Variants in XXYLT1 observed in about 807,000 individuals in gnomAD.
XXYLT1 encodes the protein xyloside xylosyltransferase 1, also known as UDP-xylose:alpha-xyloside alpha-1,3-xylosyltransferase.
XXYLT1 carries 20 observed loss-of-function variants against 28.9 expected under a neutral mutation model. The ratio of observed to expected loss-of-function variants is 0.69; its 90% CI spans 0.49 to 1.00. The LOEUF is 1.00. Among genes scored for constraint, XXYLT1 ranks in the 50% least tolerant of loss-of-function variants. The pLI is 0.00. For synonymous variants in XXYLT1, 257 were observed against 253.8 expected (o/e 1.01, Z -0.12); for missense variants, 542 against 560.1 (o/e 0.97, Z 0.33).
At chr3:195,250,418 G>A (rs1466678993) in intron 1 of XXYLT1, among the ~76,000 whole-genome samples, 1 of 152,148 alleles carries the variant, frequency 6.6e-6, no homozygotes, top group Non-Finnish European at 1.5e-5. Context: ...ACAAAAATTA[G>A]CTGGGCGTGG....
chr3:195,155,675 C>T (rs1404015967), intron 3 of XXYLT1, among the ~76,000 whole-genome samples: 2 of 150,712 alleles, frequency 1.3e-5, no homozygotes, highest in East Asian at 3.9e-4. Flanking sequence ...CCGCCTGCCA[C>T]GCCGGCTTTG....
intron 1 of XXYLT1, among the ~76,000 whole-genome samples, chr3:195,241,926 CAT>C (rs1560170266): frequency 6.6e-6 from 1 of 152,170 alleles, no homozygotes; most frequent in African/African-American, 2.4e-5. Flanking sequence ...TATCACCAGA[CAT>C]GTCATATTTT....
At chr3:195,162,432 C>T (rs751954528) in intron 2 of XXYLT1, among the ~76,000 whole-genome samples, 18 of 152,214 alleles carry the variant, frequency 1.2e-4, no homozygotes, top group Non-Finnish European at 2.6e-4. Flanking sequence ...AACCTGTTAG[C>T]AGCTCTGGTA....
At chr3:195,179,322 A>C (rs1222911967) in intron 2 of XXYLT1, among the ~76,000 whole-genome samples, 1 of 151,282 alleles carries the variant, frequency 6.6e-6, no homozygotes, top group Non-Finnish European at 1.5e-5. Context: ...CCTGGGCGAC[A>C]AGAGTGAGAC....
intron 1 of XXYLT1, among the ~76,000 whole-genome samples, chr3:195,244,761 CAAAAAAAAAA>C (rs869207427): frequency 1.1e-4 from 3 of 26,540 alleles, no homozygotes; most frequent in Admixed American, 7.1e-4. Context: ...GACTCTGTCT[CAAAAAAAAAA>C]AAAAAAAAAA....
At chr3:195,258,567 A>C (rs1285086340) in intron 1 of XXYLT1, among the ~76,000 whole-genome samples, 2 of 152,220 alleles carry the variant, frequency 1.3e-5, no homozygotes, top group Non-Finnish European at 2.9e-5. Flanking sequence ...ACAAGACTAC[A>C]AAGGCTTCAT....
chr3:195,267,321 A>C (rs1725876370), intron 1 of XXYLT1, among the ~76,000 whole-genome samples: 3 of 152,222 alleles, frequency 2.0e-5, no homozygotes, highest in African/African-American at 4.8e-5. Flanking sequence ...CCCTGGGAAT[A>C]AACTGCCCCC....
intron 1 of XXYLT1, among the ~76,000 whole-genome samples, chr3:195,245,582 G>T (rs550665748): frequency 6.6e-6 from 1 of 152,294 alleles, no homozygotes; most frequent in Admixed American, 6.5e-5. Flanking sequence ...GGAACTACGG[G>T]TGTTTGCCTC....
chr3:195,090,799 AAGAG>A (rs1404409322), intron 3 of XXYLT1, among the ~76,000 whole-genome samples: 4 of 150,744 alleles, frequency 2.7e-5, no homozygotes, highest in African/African-American at 7.4e-5. Context: ...TAAAGAAAAA[AAGAG>A]AGAAGAATCA....
intron 3 of XXYLT1, among the ~76,000 whole-genome samples, chr3:195,137,368 CCA>C (rs1719253482): frequency 1.3e-5 from 2 of 152,180 alleles, no homozygotes; most frequent in Admixed American, 1.3e-4. Flanking sequence ...TCCAATCTGG[CCA>C]CAGTTTCTGC....
At chr3:195,219,499 A>G (rs551502117) in intron 2 of XXYLT1, among the ~76,000 whole-genome samples, 63 of 152,352 alleles carry the variant, frequency 4.1e-4, no homozygotes, top group African/African-American at 1.5e-3. Context: ...GAAGGGAAGA[A>G]GGAATGAGGA....
intron 3 of XXYLT1, among the ~76,000 whole-genome samples, chr3:195,142,878 G>A (rs1039021424): frequency 1.3e-5 from 2 of 152,140 alleles, no homozygotes; most frequent in Non-Finnish European, 2.9e-5. Flanking sequence ...TCTTCCCTTT[G>A]GATTTCTCTC....
At chr3:195,214,230 A>G (rs992758576) in intron 2 of XXYLT1, among the ~76,000 whole-genome samples, 13 of 152,186 alleles carry the variant, frequency 8.5e-5, no homozygotes, top group African/African-American at 3.1e-4. Context: ...AGAAAATTCC[A>G]GAAAGAAGGA....
rs1725529034 is a variant in XXYLT1, at chr3:195,257,617, T to A, written c.504+12938A>T. Among the ~76,000 whole-genome samples, 1 of 152,146 alleles carries A rather than the reference T, an allele frequency of 6.6e-6. No homozygotes were observed. Among genetic ancestry groups the A allele is most frequent in the Non-Finnish European group, 1.5e-5 (1 of 68,010 alleles). ...ATCACCATGGCAGCCAGGTACATCC[T>A]GGCTGGGCCGGCACGGGCCCCGTAG... On this transcript the variant is annotated intron_variant, in intron 1 of 3. Coordinates refer to ENST00000310380, the MANE Select transcript of XXYLT1 (RefSeq NM_152531.5). This position sits in a 1 kb window ranked among gnomAD's most constrained non-coding sequence, Gnocchi z 4.3.
At chr3:195,143,404 G>T (rs1017059140) in intron 3 of XXYLT1, among the ~76,000 whole-genome samples, 1 of 152,258 alleles carries the variant, frequency 6.6e-6, no homozygotes, top group Admixed American at 6.5e-5. Context: ...CTGCTTAATT[G>T]TCGATATTTT....
intron 2 of XXYLT1, 66 bp from the exon 3 acceptor site, chr3:195,156,647 A>T (rs1336738654): frequency 6.3e-7 from 1 of 1,583,300 alleles, no homozygotes; most frequent in African/African-American, 1.4e-5. Context: ...CCACGGACAG[A>T]AAATGAAGTG....
chr3:195,244,223 C>T (rs1238328679), intron 1 of XXYLT1, among the ~76,000 whole-genome samples: 1 of 152,182 alleles, frequency 6.6e-6, no homozygotes, highest in Non-Finnish European at 1.5e-5. Context: ...AAATGTAACA[C>T]AAAGACACCG....
At chr3:195,251,614 T>C (rs990763032) in intron 1 of XXYLT1, among the ~76,000 whole-genome samples, 2 of 152,248 alleles carry the variant, frequency 1.3e-5, no homozygotes, top group South Asian at 4.2e-4. Context: ...GGCCCCAGTG[T>C]CTGCACAGCC....
intron 3 of XXYLT1, among the ~76,000 whole-genome samples, chr3:195,083,766 C>T (rs777045373): frequency 2.6e-5 from 4 of 152,182 alleles, no homozygotes; most frequent in East Asian, 1.9e-4. Flanking sequence ...TGGCTCATGC[C>T]GCTAATCCCA....
Sources: allele counts gnomAD v4.1 joint callset (sites outside exome capture counted in the v4.1 genomes callset), GRCh38; gene constraint gnomAD v4.1.1; non-coding constraint Gnocchi (gnomAD v3.1); transcripts MANE v1.5; gene names NCBI Gene and HGNC (gene_info 2026-07-23, HGNC 2026-07-21).